HMGB3: variants seen among roughly 807,000 people sequenced by gnomAD.
The protein encoded by HMGB3 is high mobility group box 3, also known as high mobility group protein B3.
In HMGB3, 1 loss-of-function variant was observed where a neutral mutation model predicts 12.9. That is an observed-to-expected ratio of 0.08 (90% CI 0.03 to 0.37). The LOEUF (loss-of-function observed/expected upper bound fraction) is 0.37. Ranked by LOEUF, HMGB3 falls within the 10% of genes least tolerant of loss-of-function variation. The probability of loss-of-function intolerance (pLI) is 0.99; values close to 1 mark genes in which losing one functional copy is unlikely to be tolerated. For synonymous variants in HMGB3, 61 were observed against 53.9 expected, an observed-to-expected ratio of 1.13 and a Z score of -0.57; for missense variants, 74 against 153.3, an observed-to-expected ratio of 0.48 and a Z score of 2.73.
At chrX:150,981,166 T>G (rs181421325), upstream of HMGB3, among the ~76,000 whole-genome samples, 19 of 109,844 alleles carry the variant, frequency 1.7e-4, no homozygotes, top group African/African-American at 6.3e-4. Context: ...AGGGAGGGGC[T>G]GTCTGTCTGG....
rs1557425234 is a variant in HMGB3 at position 150,986,198 on chromosome X, A to G, written c.290+8A>G. ...TGCTCCCAAAAGGCCACCGTAAGTG[A>G]CTATAGGATTCAAGATAACAATTAA... On this transcript the variant is annotated splice_region_variant and intron_variant, in intron 3 of 4. Coordinates refer to ENST00000325307, the MANE Select transcript of HMGB3 (RefSeq NM_005342.4). 4 of 1,159,877 alleles carry G rather than the reference A, an allele frequency of 3.4e-6. No individual in the cohort carries two copies. The highest frequency in any genetic ancestry group is 6.1e-5 in the East Asian group (2 of 32,549).
At chrX:150,982,809 G>A (rs2048000416), upstream of HMGB3, among the ~76,000 whole-genome samples, 1 of 113,154 alleles carries the variant, frequency 8.8e-6, no homozygotes, top group East Asian at 2.8e-4. Context: ...AGGCATCGAG[G>A]AGCGAGCTGC....
chrX:150,986,532 C>CAT (rs2048053537), intron 3 of HMGB3, among the ~76,000 whole-genome samples: 1 of 108,644 alleles, frequency 9.2e-6, no homozygotes, highest in Non-Finnish European at 1.9e-5. Context: ...GGGACAGCAC[C>CAT]ATATATATAT....
upstream of HMGB3, among the ~76,000 whole-genome samples, chrX:150,982,292 C>A (rs2047997327): frequency 9.0e-6 from 1 of 111,631 alleles, no homozygotes; most frequent in African/African-American, 3.3e-5. Flanking sequence ...ATCCAGGCAC[C>A]GGCCCCACGA....
upstream of HMGB3, chrX:150,980,614 G>A (rs1389169697): frequency 6.7e-6 from 5 of 748,938 alleles, no homozygotes; most frequent in African/African-American, 2.3e-5. Flanking sequence ...AATACTTCCT[G>A]CGCGTAAGCG....
chrX:150,983,555 C>T, intron 1 of HMGB3, 179 bp downstream of exon 1: 1 of 749,269 alleles, frequency 1.3e-6, no homozygotes, highest in Non-Finnish European at 1.6e-6. Context: ...TCCGCCTTCC[C>T]TCCTGCTAGG....
At chrX:150,981,353 C>A (rs1327198078), upstream of HMGB3, among the ~76,000 whole-genome samples, 1 of 107,352 alleles carries the variant, frequency 9.3e-6, no homozygotes, top group Non-Finnish European at 1.9e-5. Context: ...TAAGCTGGTT[C>A]TAACAGGACA....
At chrX:150,983,442 C>CGCCGCCGCCGCA (rs2048010180) in intron 1 of HMGB3, 66 bp downstream of exon 1, 1 of 339,535 alleles carries the variant, frequency 2.9e-6, no homozygotes, top group African/African-American at 4.3e-5. Flanking sequence ...CCGCCGCCGC[C>CGCCGCCGCCGCA]GCCGCCGCCG....
intron 3 of HMGB3, among the ~76,000 whole-genome samples, chrX:150,986,763 C>T (rs1180484362): frequency 2.7e-5 from 3 of 111,046 alleles, no homozygotes; most frequent in Non-Finnish European, 3.8e-5. Flanking sequence ...CCTGCCTCAG[C>T]CTCCTGAGTA....
At chrX:150,986,252 T>C (rs1044969944) in intron 3 of HMGB3, 62 bp downstream of exon 3, 2 of 943,719 alleles carry the variant, frequency 2.1e-6, no homozygotes, top group Non-Finnish European at 2.8e-6. Flanking sequence ...GAGGATTTGG[T>C]TTTTTGGTCG....
rs2048050550 is a variant in HMGB3, at chrX:150,986,201, A to G, written c.290+11A>G. On this transcript the variant is annotated intron_variant, in intron 3 of 4. Transcript: ENST00000325307. The stretch of plus-strand genomic sequence containing the variant: ...TCCCAAAAGGCCACCGTAAGTGACT[A>G]TAGGATTCAAGATAACAATTAATAC... The G allele has an allele frequency of 6.0e-6, 7 of 1,157,688 alleles. No homozygotes were observed. Among genetic ancestry groups the G allele is most frequent in the African/African-American group, 1.8e-5 (1 of 55,662 alleles).
chrX:150,980,657 A>C (rs2047987698), upstream of HMGB3: 6 of 726,709 alleles, frequency 8.3e-6, no homozygotes, highest in Non-Finnish European at 9.8e-6. Flanking sequence ...ATGTGGGGAG[A>C]AATAGATGGT....
In HMGB3 at chrX:150,990,413, G is replaced by A. The variant is rs1413063443; in HGVS notation, c.*2499G>A. The A allele has an allele frequency of 8.9e-6, 1 of 112,118 alleles. No individual in the cohort carries two copies. The highest frequency in any genetic ancestry group is 1.9e-5 in the Non-Finnish European group (1 of 53,264). The allele number at this position is 112,118 out of a possible 1,213,427, so 9.2% of individuals were successfully genotyped here. A position where few individuals can be genotyped will look rare whatever the true frequency, so the allele number is the denominator to read the frequency against. The stretch of plus-strand genomic sequence containing the variant: ...GATCACTACTCAACGTTTTCACACT[G>A]TGGCAAGATTGCTCTTCTAGTGGAA... On this transcript the variant is annotated 3_prime_UTR_variant, in exon 5 of 5. Coordinates refer to ENST00000325307, the MANE Select transcript of HMGB3 (RefSeq NM_005342.4).
rs35267539 is a variant in HMGB3, at chrX:150,988,555, ATTTTT to A, written c.*649_*653del. On this transcript the variant is annotated 3_prime_UTR_variant, in exon 5 of 5. Coordinates refer to ENST00000325307, the MANE Select transcript of HMGB3 (RefSeq NM_005342.4). ...AAGGGGGGTCAGCTGGCATGAGAAT[ATTTTT>A]TTTTTTTAAGTGCGGTAGTTTTTAA... The A allele has an allele frequency of 9.6e-6, 1 of 103,930 alleles. No homozygotes were observed. The highest frequency in any genetic ancestry group is 2.0e-5 in the Non-Finnish European group (1 of 49,949). The allele number at this position is 103,930 out of a possible 1,213,427, so 8.6% of individuals were successfully genotyped here. A position where few individuals can be genotyped will look rare whatever the true frequency, so the allele number is the denominator to read the frequency against.
intron 1 of HMGB3, among the ~76,000 whole-genome samples, chrX:150,984,006 G>A (rs1216858263): frequency 9.8e-6 from 1 of 102,464 alleles, no homozygotes; most frequent in Non-Finnish European, 2.0e-5. Flanking sequence ...GGCCCGGGGG[G>A]GCGCGGGCCG....
intron 1 of HMGB3, 169 bp downstream of exon 1, chrX:150,983,545 T>A (rs2048012270): frequency 1.3e-6 from 1 of 741,599 alleles, no homozygotes; most frequent in African/African-American, 2.4e-5. Context: ...TCCCGCCCCC[T>A]CCGCCTTCCC....
intron 4 of HMGB3, 87 bp from the exon 5 acceptor site, chrX:150,987,690 T>A: frequency 1.4e-6 from 1 of 689,914 alleles, no homozygotes; most frequent in Non-Finnish European, 2.2e-6. Context: ...TCAATTCCTG[T>A]CCTCTTACCT....
chrX:150,984,230 T>C (rs1191815018), intron 1 of HMGB3, among the ~76,000 whole-genome samples: 2 of 91,234 alleles, frequency 2.2e-5, no homozygotes, highest in Non-Finnish European at 4.4e-5. Context: ...CCGAGCGTCA[T>C]GGCTGCACGG....
intron 2 of HMGB3, 44 bp downstream of exon 2, chrX:150,985,793 C>G: frequency 9.0e-7 from 1 of 1,117,167 alleles, no homozygotes; most frequent in African/African-American, 1.8e-5. Context: ...AGTTGGGTTT[C>G]TTACTTTGGG....
Sources: allele counts gnomAD v4.1 joint callset (sites outside exome capture counted in the v4.1 genomes callset), GRCh38; gene constraint gnomAD v4.1.1; transcripts MANE v1.5; gene names NCBI Gene and HGNC (gene_info 2026-07-23, HGNC 2026-07-21).